The following XKR9 variants were observed in gnomAD, a reference collection of about 807,000 sequenced individuals.
The protein encoded by XKR9 is XK related 9.
Under a neutral mutation model 32.0 loss-of-function variants are expected in XKR9, and 32 were observed. That is an observed-to-expected ratio of 1.00 (90% confidence interval 0.76 to 1.34). The LOEUF (loss-of-function observed/expected upper bound fraction) is 1.34, where lower values mean the gene tolerates loss of function less well. XKR9 is among the 40% of genes most tolerant of loss of function. The probability of loss-of-function intolerance (pLI) is 0.00; values close to 1 mark genes in which losing one functional copy is unlikely to be tolerated. For missense variants in XKR9, 546 were observed against 429.7 expected, an observed-to-expected ratio of 1.27 and a Z score of -2.39; for synonymous variants, 168 against 143.4, an observed-to-expected ratio of 1.17 and a Z score of -1.22.
the XKR9 span, among the ~76,000 whole-genome samples, chr8:71,002,045 G>A: frequency 1.3e-5 from 2 of 152,108 alleles, no homozygotes; most frequent in African/African-American, 4.8e-5. Context: ...TGTTTCATAT[G>A]TTTAAGTACA....
At chr8:70,852,493 G>T in the XKR9 span, among the ~76,000 whole-genome samples, 8 of 152,052 alleles carry the variant, frequency 5.3e-5, no homozygotes, top group Non-Finnish European at 1.0e-4. Context: ...GGATTATAAA[G>T]AATTATAAAT....
downstream of XKR9, among the ~76,000 whole-genome samples, chr8:70,794,088 C>G (rs1264713825): frequency 2.6e-5 from 4 of 151,862 alleles, no homozygotes; most frequent in African/African-American, 9.7e-5. Context: ...TAAATGACAA[C>G]TTTGTGTTTT....
At chr8:70,724,219 G>T (rs1378906840) in intron 4 of XKR9, among the ~76,000 whole-genome samples, 1 of 152,078 alleles carries the variant, frequency 6.6e-6, no homozygotes, top group African/African-American at 2.4e-5. Flanking sequence ...CAGTAATGGC[G>T]CACGCCTCTC....
the XKR9 span, among the ~76,000 whole-genome samples, chr8:70,852,429 A>T: frequency 6.6e-6 from 1 of 152,178 alleles, no homozygotes; most frequent in African/African-American, 2.4e-5. Flanking sequence ...CAGCAATCCC[A>T]TTACGGGATT....
the XKR9 span, among the ~76,000 whole-genome samples, chr8:71,019,027 G>A: frequency 6.6e-6 from 1 of 152,146 alleles, no homozygotes; most frequent in African/African-American, 2.4e-5. Context: ...ATTCCACCTA[G>A]TGTTTCTGGT....
chr8:70,733,922 T>C lies in XKR9; in HGVS notation c.620T>C (p.Phe207Ser). The change falls in exon 5 of 5, where the codon TTT (phenylalanine) becomes TCT (serine). Residue 207 changes from phenylalanine (F) to serine (S), a missense_variant. Transcript: ENST00000408926. ...TTATGTCCCAAAATCACATATCTCT[T>C]TTACAAGTTGTTTACATTATTATCG... is the stretch of plus-strand genomic sequence containing the variant. Reference protein sequence around the residue: ...NGLCPKITYLFYKLFTLLSWM... With the variant: ...NGLCPKITYLSYKLFTLLSWM... 1.2e-6 allele frequency: 2 copies of C among 1,612,994 alleles called. No individual in the cohort carries two copies. Among genetic ancestry groups the C allele is most frequent in the Non-Finnish European group, 1.7e-6 (2 of 1,179,698 alleles).
intron 2 of XKR9, among the ~76,000 whole-genome samples, chr8:70,754,858 G>A (rs995418494): frequency 6.6e-6 from 1 of 152,014 alleles, no homozygotes; most frequent in Non-Finnish European, 1.5e-5. Flanking sequence ...CATGGGCAAG[G>A]ACTTCCTGTC....
At chr8:70,923,869 A>G in the XKR9 span, among the ~76,000 whole-genome samples, 275 of 152,216 alleles carry the variant, frequency 1.8e-3, no homozygotes, top group Admixed American at 2.9e-3. Context: ...TCTATGTTCT[A>G]TATTCTGTAT....
the XKR9 span, among the ~76,000 whole-genome samples, chr8:70,808,873 G>A: frequency 3.3e-5 from 5 of 152,196 alleles, no homozygotes; most frequent in Admixed American, 3.3e-4. Flanking sequence ...CTGGGGGCAG[G>A]GCATAGCCAA....
chr8:70,704,653 A>G (rs959394511), intron 3 of XKR9, among the ~76,000 whole-genome samples: 1 of 152,132 alleles, frequency 6.6e-6, no homozygotes, highest in Non-Finnish European at 1.5e-5. Context: ...ACCTCTCTCA[A>G]TTTCTGCTGT....
intron 3 of XKR9, among the ~76,000 whole-genome samples, chr8:70,684,406 C>A (rs1380839336): frequency 6.6e-6 from 1 of 152,124 alleles, no homozygotes; most frequent in Admixed American, 6.6e-5. Context: ...ATTCCTCCCT[C>A]TCATTCCTTG....
At chr8:70,770,472 C>T (rs556176204) in intron 2 of XKR9, among the ~76,000 whole-genome samples, 15 of 152,284 alleles carry the variant, frequency 9.9e-5, no homozygotes, top group South Asian at 2.1e-4. Flanking sequence ...TCTTCAGAGC[C>T]GGCAGGCAGG....
At chr8:71,011,099 A>T in the XKR9 span, among the ~76,000 whole-genome samples, 2 of 152,222 alleles carry the variant, frequency 1.3e-5, no homozygotes, top group African/African-American at 4.8e-5. Flanking sequence ...GAAGGCTGAT[A>T]GGTGGTCTGT....
chr8:71,059,219 A>C, the XKR9 span, among the ~76,000 whole-genome samples: 1 of 152,272 alleles, frequency 6.6e-6, no homozygotes, highest in Non-Finnish European at 1.5e-5. Context: ...TGTTGACAGA[A>C]GCTGCCCTCT....
the XKR9 span, among the ~76,000 whole-genome samples, chr8:71,027,731 A>G: frequency 6.8e-6 from 1 of 147,300 alleles, no homozygotes; most frequent in Non-Finnish European, 1.5e-5. Flanking sequence ...GGTTTCATAT[A>G]CATTTAAGGA....
chr8:70,819,060 C>G, the XKR9 span, among the ~76,000 whole-genome samples: 1 of 150,030 alleles, frequency 6.7e-6, no homozygotes, highest in East Asian at 1.9e-4. Flanking sequence ...TAACTGTTTA[C>G]AGGCAAAGAC....
the XKR9 span, among the ~76,000 whole-genome samples, chr8:70,999,238 TCA>T: frequency 2.6e-5 from 4 of 152,180 alleles, no homozygotes; most frequent in Non-Finnish European, 5.9e-5. Flanking sequence ...CTCCAAAAGA[TCA>T]CATTTTCTTT....
At chr8:71,020,205 C>A in the XKR9 span, among the ~76,000 whole-genome samples, 4 of 152,328 alleles carry the variant, frequency 2.6e-5, no homozygotes, top group South Asian at 4.1e-4. Flanking sequence ...TGTTCAAAAT[C>A]TACGAGGTGC....
chr8:70,880,534 A>G, the XKR9 span, among the ~76,000 whole-genome samples: 1 of 152,208 alleles, frequency 6.6e-6, no homozygotes, highest in Non-Finnish European at 1.5e-5. Context: ...TGCTACAAAG[A>G]GAATAAAATA....
Sources: gnomAD v4.1 joint callset for allele counts (sites outside exome capture counted in the v4.1 genomes callset) on GRCh38, gnomAD v4.1.1 for gene constraint, MANE v1.5 for transcripts, NCBI Gene and HGNC (gene_info 2026-07-23, HGNC 2026-07-21) for gene names.